The following SDCCAG8 variants were observed in gnomAD, a reference collection of about 807,000 sequenced individuals.
SDCCAG8 encodes serologically defined colon cancer antigen 8.
SDCCAG8 carries 74 observed loss-of-function variants against 101.8 expected under a neutral mutation model. That is an observed-to-expected ratio of 0.73 (90% CI 0.60 to 0.88). The LOEUF is 0.88. Among genes scored for constraint, SDCCAG8 ranks in the 40% least tolerant of loss-of-function variants. The pLI is 0.00. For missense variants in SDCCAG8, 787 were observed against 822.6 expected, an observed-to-expected ratio of 0.96 and a Z score of 0.53; for synonymous variants, 281 against 292.9, an observed-to-expected ratio of 0.96 and a Z score of 0.41.
intron 16 of SDCCAG8, among the ~76,000 whole-genome samples, chr1:243,467,144 A>G (rs544390270): frequency 6.6e-6 from 1 of 152,364 alleles, no homozygotes; most frequent in East Asian, 1.9e-4. Context: ...CCTCCTGGAC[A>G]CTGCTATTGA....
chr1:243,388,817 C>T (rs139066319), intron 13 of SDCCAG8, among the ~76,000 whole-genome samples: 2,147 of 150,286 alleles, frequency 0.014, 52 homozygotes, highest in African/African-American at 0.05. Context: ...TGGGAGGCTA[C>T]GTGGTGGTGC....
At chr1:243,435,738 ATGTG>A (rs113830682) in intron 16 of SDCCAG8, among the ~76,000 whole-genome samples, 4 of 150,320 alleles carry the variant, frequency 2.7e-5, no homozygotes, top group South Asian at 2.1e-4. Flanking sequence ...GAACATGTGA[ATGTG>A]TGTGTGTGTG....
chr1:243,441,086 C>T (rs1234718066), intron 16 of SDCCAG8, among the ~76,000 whole-genome samples: 1 of 152,008 alleles, frequency 6.6e-6, no homozygotes, highest in South Asian at 2.1e-4. Context: ...TTTAAGGAGC[C>T]GGTATTTTAA....
At chr1:243,257,698 T>C (rs2066880931) in intron 1 of SDCCAG8, among the ~76,000 whole-genome samples, 1 of 152,234 alleles carries the variant, frequency 6.6e-6, no homozygotes, top group Non-Finnish European at 1.5e-5. Context: ...GTCGACATTC[T>C]CAGTATTCAA....
At chr1:243,427,042 G>A (rs2081387374) in intron 16 of SDCCAG8, among the ~76,000 whole-genome samples, 1 of 152,180 alleles carries the variant, frequency 6.6e-6, no homozygotes, top group Non-Finnish European at 1.5e-5. Context: ...CTTTGAGCAA[G>A]TCACTTAAGT....
intron 10 of SDCCAG8, among the ~76,000 whole-genome samples, chr1:243,338,302 T>G (rs1298977470): frequency 6.6e-6 from 1 of 152,194 alleles, no homozygotes; most frequent in Non-Finnish European, 1.5e-5. Flanking sequence ...ACATTGTAAG[T>G]GCTAGGCAGT....
At chr1:243,472,366 C>T (rs1661428772) in intron 16 of SDCCAG8, among the ~76,000 whole-genome samples, 1 of 152,130 alleles carries the variant, frequency 6.6e-6, no homozygotes, top group Admixed American at 6.5e-5. Flanking sequence ...TGGTCAGTAC[C>T]TGGTGGGCAT....
At chr1:243,415,918 A>G (rs1260132967) in intron 14 of SDCCAG8, 89 bp downstream of exon 14, 57 of 1,517,714 alleles carry the variant, frequency 3.8e-5, no homozygotes, top group Non-Finnish European at 4.9e-5. Context: ...AACACCTGTA[A>G]CCTTTGGCTG....
intron 12 of SDCCAG8, among the ~76,000 whole-genome samples, chr1:243,359,397 A>G (rs2076566843): frequency 6.6e-6 from 1 of 152,228 alleles, no homozygotes; most frequent in South Asian, 2.1e-4. Flanking sequence ...TCAATTGTAT[A>G]CTTTCGGTGG....
chr1:243,401,322 A>T (rs999452798), intron 13 of SDCCAG8, among the ~76,000 whole-genome samples: 2 of 152,268 alleles, frequency 1.3e-5, no homozygotes, highest in Non-Finnish European at 2.9e-5. Context: ...AGCGAAAACT[A>T]CAAAGGCAAC....
intron 17 of SDCCAG8, among the ~76,000 whole-genome samples, chr1:243,493,159 G>C (rs1201324501): frequency 6.7e-6 from 1 of 148,922 alleles, no homozygotes; most frequent in Non-Finnish European, 1.5e-5. Flanking sequence ...GACTGGGCTG[G>C]GTAGTCGCAC....
At chr1:243,434,304 TG>T (rs1322013552) in intron 16 of SDCCAG8, among the ~76,000 whole-genome samples, 4 of 152,274 alleles carry the variant, frequency 2.6e-5, no homozygotes, top group Non-Finnish European at 5.9e-5. Flanking sequence ...CTCAGCAATT[TG>T]CTGTAGAGAG....
intron 16 of SDCCAG8, among the ~76,000 whole-genome samples, chr1:243,446,942 G>A (rs1040149465): frequency 6.6e-6 from 1 of 152,106 alleles, no homozygotes; most frequent in African/African-American, 2.4e-5. Context: ...ATGGGTTTAG[G>A]AAACTCTTGG....
intron 12 of SDCCAG8, among the ~76,000 whole-genome samples, chr1:243,365,410 G>C (rs1031556829): frequency 4.6e-5 from 7 of 152,152 alleles, no homozygotes; most frequent in Non-Finnish European, 8.8e-5. Flanking sequence ...AATTGTATTT[G>C]CTAAGTAAAT....
At chr1:243,328,146 C>T (rs1349562514) in intron 9 of SDCCAG8, among the ~76,000 whole-genome samples, 1 of 152,140 alleles carries the variant, frequency 6.6e-6, no homozygotes, top group Non-Finnish European at 1.5e-5. Context: ...TCGTGATCCG[C>T]CTGCCTCAGC....
chr1:243,330,978 C>T (rs1485014565), intron 10 of SDCCAG8, among the ~76,000 whole-genome samples: 2 of 152,202 alleles, frequency 1.3e-5, no homozygotes, highest in African/African-American at 2.4e-5. Context: ...TTCCCTCTCT[C>T]GTGTTTCCCA....
At chr1:243,312,991 A>T (rs901880820) in intron 8 of SDCCAG8, among the ~76,000 whole-genome samples, 1 of 152,236 alleles carries the variant, frequency 6.6e-6, no homozygotes, top group African/African-American at 2.4e-5. Context: ...AAGTACCTTC[A>T]CATGGTAACC....
chr1:243,442,931 T>C (rs974177096), intron 16 of SDCCAG8, among the ~76,000 whole-genome samples: 1 of 152,234 alleles, frequency 6.6e-6, no homozygotes, highest in African/African-American at 2.4e-5. Flanking sequence ...CCTTTCCCAA[T>C]AATTGAGACA....
intron 16 of SDCCAG8, among the ~76,000 whole-genome samples, chr1:243,488,788 A>G (rs576433356): frequency 6.6e-6 from 1 of 152,066 alleles, no homozygotes; most frequent in Non-Finnish European, 1.5e-5. Flanking sequence ...TCTAATTGAT[A>G]GTGTACTGAG....
Sources: gnomAD v4.1 joint callset for allele counts (sites outside exome capture counted in the v4.1 genomes callset) on GRCh38, gnomAD v4.1.1 for gene constraint, MANE v1.5 for transcripts, NCBI Gene and HGNC (gene_info 2026-07-23, HGNC 2026-07-21) for gene names.